DCAF6: variants seen among roughly 807,000 people sequenced by gnomAD.
The protein encoded by DCAF6 is DDB1 and CUL4 associated factor 6.
Under a neutral mutation model 125.1 loss-of-function variants are expected in DCAF6, and 54 were observed. The ratio of observed to expected loss-of-function variants is 0.43; its 90% CI spans 0.35 to 0.54. DCAF6 has a LOEUF of 0.54. Ranked by LOEUF, DCAF6 falls within the 20% of genes least tolerant of loss-of-function variation. The pLI is 0.01. For synonymous variants in DCAF6, 371 were observed against 390.4 expected (o/e 0.95, Z 0.58); for missense variants, 934 against 1,161.7 (o/e 0.80, Z 2.85).
intron 2 of DCAF6, among the ~76,000 whole-genome samples, chr1:167,963,760 G>GTT (rs58001729): frequency 2.8e-4 from 42 of 149,204 alleles, no homozygotes; most frequent in African/African-American, 8.1e-4. Flanking sequence ...ATTTCATATA[G>GTT]TTTTTTTTTT....
intron 2 of DCAF6, among the ~76,000 whole-genome samples, chr1:167,954,950 A>G (rs561144336): frequency 6.6e-6 from 1 of 152,274 alleles, no homozygotes; most frequent in East Asian, 1.9e-4. Context: ...CAGTCAACCA[A>G]TGATCTCTAT....
chr1:168,025,073 ACTACT>A (rs1337342307), intron 12 of DCAF6, among the ~76,000 whole-genome samples: 1 of 152,180 alleles, frequency 6.6e-6, no homozygotes, highest in Non-Finnish European at 1.5e-5. Flanking sequence ...ACTGTATATA[ACTACT>A]CTATAATTAA....
chr1:167,922,621 T>G, the DCAF6 span, among the ~76,000 whole-genome samples: 1 of 151,926 alleles, frequency 6.6e-6, no homozygotes, highest in African/African-American at 2.4e-5. Flanking sequence ...GCTCCCTAGA[T>G]CTCTGTAAAA....
chr1:167,971,241 C>T (rs997845799), intron 3 of DCAF6, among the ~76,000 whole-genome samples: 1 of 152,186 alleles, frequency 6.6e-6, no homozygotes, highest in Admixed American at 6.5e-5. Context: ...CATGTAGCCA[C>T]TCCTTCATCT....
chr1:168,055,348 T>G lies in DCAF6; in HGVS notation c.2300+4415T>G, dbSNP rs867439683. 4.6e-5 allele frequency among the ~76,000 whole-genome samples: 2 copies of G among 43,534 alleles called. 1 individual carries two copies. Among genetic ancestry groups the G allele is most frequent in the Non-Finnish European group, 7.8e-5 (2 of 25,700 alleles). 28.6% of individuals were successfully genotyped at this position (43,534 alleles called of 152,430 possible). A position where few individuals can be genotyped will look rare whatever the true frequency, so the allele number is the denominator to read the frequency against. On this transcript the variant is annotated intron_variant, in intron 17 of 21. Transcript: ENST00000367840. The stretch of plus-strand genomic sequence containing the variant: ...AGGCTTAAGTTTTTTTTTTTTTTTT[T>G]TTTTTTTTTTTTAACGAAGAAGTAT...
At chr1:167,912,783 C>CCACT in the DCAF6 span, among the ~76,000 whole-genome samples, 1 of 152,208 alleles carries the variant, frequency 6.6e-6, no homozygotes, top group Admixed American at 6.5e-5. Flanking sequence ...TGGTGTTCCT[C>CCACT]CACTCATCGG....
chr1:168,001,922 T>C (rs894775692), intron 7 of DCAF6, among the ~76,000 whole-genome samples: 1 of 152,040 alleles, frequency 6.6e-6, no homozygotes, highest in African/African-American at 2.4e-5. Flanking sequence ...TTCTCTGAAG[T>C]AGGAGGAAAA....
intron 1 of DCAF6, among the ~76,000 whole-genome samples, chr1:167,947,199 G>T (rs1381729707): frequency 1.3e-5 from 2 of 152,066 alleles, no homozygotes; most frequent in African/African-American, 4.8e-5. Flanking sequence ...TTGTACTTCT[G>T]TGGAATCAGT....
chr1:167,870,374 A>G, the DCAF6 span: 1 of 1,612,554 alleles, frequency 6.2e-7, no homozygotes, highest in South Asian at 1.1e-5. Flanking sequence ...AAATTTCTTC[A>G]TAGTATACAT....
upstream of DCAF6, among the ~76,000 whole-genome samples, chr1:167,931,728 T>C (rs1371810478): frequency 6.6e-6 from 1 of 152,094 alleles, no homozygotes; most frequent in Non-Finnish European, 1.5e-5. Context: ...AATAGAACAA[T>C]ATATATTTGC....
At chr1:168,041,437 T>C (rs1439443873) in intron 13 of DCAF6, among the ~76,000 whole-genome samples, 1 of 152,042 alleles carries the variant, frequency 6.6e-6, no homozygotes, top group Non-Finnish European at 1.5e-5. Flanking sequence ...ATAGCATGCA[T>C]AGGAAAGCCT....
intron 21 of DCAF6, among the ~76,000 whole-genome samples, chr1:168,072,294 T>TAAAAAAAAAAAAAAAAAAAAAAAAAA (rs59674650): frequency 9.8e-5 from 4 of 41,014 alleles, no homozygotes; most frequent in African/African-American, 3.3e-4. Flanking sequence ...AGAATCAGTC[T>TAAAAAAAAAAAAAAAAAAAAAAAAAA]AAAAAAAAAA....
the DCAF6 span, among the ~76,000 whole-genome samples, chr1:167,901,303 G>A: frequency 3.3e-5 from 5 of 152,126 alleles, no homozygotes; most frequent in African/African-American, 7.2e-5. Context: ...GTAATGGCAA[G>A]CTAGTCTCTA....
At chr1:167,935,893 C>A, upstream of DCAF6, 2 of 1,386,642 alleles carry the variant, frequency 1.4e-6, no homozygotes, top group East Asian at 2.5e-5. Flanking sequence ...GTGTTCTCGT[C>A]CCTGGCTGAC....
chr1:167,991,347 G>A lies in DCAF6; in HGVS notation c.688+8G>A. 1.2e-6 allele frequency: 2 copies of A among 1,600,114 alleles called. No homozygotes were observed. Among genetic ancestry groups the A allele is most frequent in the Non-Finnish European group, 1.7e-6 (2 of 1,174,242 alleles). On this transcript the variant is annotated splice_region_variant and intron_variant, in intron 6 of 21. Transcript: ENST00000367840. ...TGGGCACAAGAGCTACAGGTAAGAA[G>A]ATAATATTAGAGAAAATATAGGACT...
At chr1:168,002,756 G>A (rs565535612) in intron 8 of DCAF6, among the ~76,000 whole-genome samples, 181 bp downstream of exon 8, 11 of 152,080 alleles carry the variant, frequency 7.2e-5, no homozygotes, top group Non-Finnish European at 1.6e-4. Context: ...CACTGGATAA[G>A]TACCTTTTAA....
intron 11 of DCAF6, chr1:168,019,411 C>T: frequency 3.5e-6 from 1 of 287,958 alleles, no homozygotes; most frequent in Non-Finnish European, 7.3e-6. Context: ...ATATAAAGGC[C>T]CCCATAAGGT....
Position 167,991,231 on chromosome 1 carries a change from G to A in DCAF6, c.580G>A (p.Ala194Thr). Residue 194 changes from alanine to threonine, a missense_variant, in exon 6 of 22, where the codon GCC becomes ACC. Ala to Thr is a moderately conservative substitution (Grantham distance 58). Around this residue, in one of 5 missense-constraint regions of DCAF6, gnomAD observed 309 missense variants for 381.2 expected, o/e 0.81. Coordinates refer to ENST00000367840, the MANE Select transcript of DCAF6 (RefSeq NM_001198956.2). ...TATTTTAATTAACTGTCGACGTGCTGCCACGTCTGTTGCTATTTGCCCACC... is the reference window on the plus strand; with the variant it reads ...TATTTTAATTAACTGTCGACGTGCTACCACGTCTGTTGCTATTTGCCCACC... ...DDILINCRRA[A>T]TSVAICPPIP... is the part of the protein sequence containing the mutation. 1.2e-6 allele frequency: 2 copies of A among 1,612,274 alleles called. No individual in the cohort carries two copies. The highest frequency in any genetic ancestry group is 2.2e-5 in the South Asian group (2 of 90,940).
chr1:167,990,310 A>G (rs375074409), intron 5 of DCAF6, among the ~76,000 whole-genome samples: 21 of 152,052 alleles, frequency 1.4e-4, no homozygotes, highest in African/African-American at 4.3e-4. Flanking sequence ...TGAGGTTACA[A>G]TGAGCTGTGA....
Sources: allele counts gnomAD v4.1 joint callset (sites outside exome capture counted in the v4.1 genomes callset), GRCh38; gene constraint gnomAD v4.1.1; regional missense constraint gnomAD v4.1.1; transcripts MANE v1.5; gene names NCBI Gene and HGNC (gene_info 2026-07-23, HGNC 2026-07-21).